Variants in LUZP2 observed in about 807,000 individuals in gnomAD.
The protein encoded by LUZP2 is leucine zipper protein 2.
LUZP2 carries 52 observed loss-of-function variants against 51.6 expected under a neutral mutation model. That is an observed-to-expected ratio of 1.01 (90% CI 0.81 to 1.27). LUZP2 has a LOEUF of 1.27. Among genes scored for constraint, LUZP2 ranks in the 50% most tolerant of loss-of-function variants. The probability of loss-of-function intolerance (pLI) is 0.00; values close to 1 mark genes in which losing one functional copy is unlikely to be tolerated. For missense variants in LUZP2, 436 were observed against 395.4 expected, an observed-to-expected ratio of 1.10 and a Z score of -0.87; for synonymous variants, 154 against 137.3, an observed-to-expected ratio of 1.12 and a Z score of -0.85.
chr11:24,786,883 A>G (rs1458273338), intron 5 of LUZP2, among the ~76,000 whole-genome samples: 1 of 151,982 alleles, frequency 6.6e-6, no homozygotes, highest in Non-Finnish European at 1.5e-5. Flanking sequence ...GTATCAGTAA[A>G]TAGAATGATG....
intron 1 of LUZP2, among the ~76,000 whole-genome samples, chr11:24,619,049 A>G (rs1340169585): frequency 6.7e-6 from 1 of 149,894 alleles, no homozygotes; most frequent in Non-Finnish European, 1.5e-5. Flanking sequence ...TATTTATTTG[A>G]GATAGGTCTT....
At chr11:24,916,284 C>G (rs909094159) in intron 7 of LUZP2, among the ~76,000 whole-genome samples, 18 of 151,912 alleles carry the variant, frequency 1.2e-4, no homozygotes, top group Admixed American at 1.1e-3. Flanking sequence ...CTGATATATT[C>G]TCTAGAATAC....
At chr11:25,040,832 C>T (rs1384678871) in intron 9 of LUZP2, among the ~76,000 whole-genome samples, 1 of 152,104 alleles carries the variant, frequency 6.6e-6, no homozygotes, top group Non-Finnish European at 1.5e-5. Flanking sequence ...ATGACTATTC[C>T]AATCATTTCA....
chr11:24,609,597 G>A (rs778392020), intron 1 of LUZP2, among the ~76,000 whole-genome samples: 1 of 151,880 alleles, frequency 6.6e-6, no homozygotes, highest in Non-Finnish European at 1.5e-5. Context: ...GGATGTGGTG[G>A]CATGTGCCTG....
chr11:24,497,352 G>C, intron 1 of LUZP2, 47 bp downstream of exon 1: 1 of 1,423,580 alleles, frequency 7.0e-7, no homozygotes, highest in South Asian at 1.5e-5. Flanking sequence ...CGCTGCCGGG[G>C]CGAGGTTGGT....
At position 25,014,701 on chromosome 11, in the gene LUZP2, A is replaced by G. The variant is rs536068510; in HGVS notation, c.765+31408A>G. Among the ~76,000 whole-genome samples the G allele has an allele frequency of 2.4e-3, 371 of 152,032 alleles. 2 individuals are homozygous for G. The highest frequency in any genetic ancestry group is 8.3e-3 in the African/African-American group (346 of 41,504). On this transcript the variant is annotated intron_variant, in intron 9 of 11. Transcript: ENST00000336930. ...AAAATTTTCTCCCATTCTGTAGGTT[A>G]CCTGTTCACTCTGATGGTAGTTTCT... is the stretch of plus-strand genomic sequence containing the variant.
At chr11:24,526,508 C>G (rs1850812401) in intron 1 of LUZP2, among the ~76,000 whole-genome samples, 1 of 149,990 alleles carries the variant, frequency 6.7e-6, no homozygotes, top group African/African-American at 2.5e-5. Context: ...ACTGAGATAT[C>G]AATTATAATT....
intron 1 of LUZP2, among the ~76,000 whole-genome samples, chr11:24,662,038 C>T (rs932250154): frequency 9.2e-5 from 14 of 151,758 alleles, no homozygotes; most frequent in Non-Finnish European, 1.5e-5. Context: ...GAGACAATGC[C>T]ACCGACAGGC....
chr11:25,057,007 G>T (rs2134033001), intron 10 of LUZP2, among the ~76,000 whole-genome samples: 1 of 152,264 alleles, frequency 6.6e-6, no homozygotes, highest in South Asian at 2.1e-4. Flanking sequence ...GGCTGAGGCA[G>T]GACAATCACT....
At chr11:24,918,545 A>G (rs1853878834) in intron 7 of LUZP2, among the ~76,000 whole-genome samples, 1 of 151,908 alleles carries the variant, frequency 6.6e-6, no homozygotes, top group Admixed American at 6.6e-5. Flanking sequence ...TAAATTAGGT[A>G]TTGATGGGAC....
chr11:24,500,826 T>A (rs556186636), intron 1 of LUZP2, among the ~76,000 whole-genome samples: 1 of 152,162 alleles, frequency 6.6e-6, no homozygotes, highest in African/African-American at 2.4e-5. Context: ...TCCTGGACTG[T>A]CTGATCAGCA....
intron 1 of LUZP2, among the ~76,000 whole-genome samples, chr11:24,672,602 G>A (rs1487022316): frequency 1.3e-5 from 2 of 152,060 alleles, no homozygotes; most frequent in Non-Finnish European, 2.9e-5. Context: ...TTTGCTTTCT[G>A]TGTTCATTGA....
intron 1 of LUZP2, among the ~76,000 whole-genome samples, chr11:24,711,177 C>T (rs979674971): frequency 3.9e-5 from 6 of 152,112 alleles, no homozygotes; most frequent in African/African-American, 4.8e-5. Flanking sequence ...GGGCCTGGCG[C>T]GGTGGCTGAT....
intron 9 of LUZP2, among the ~76,000 whole-genome samples, chr11:25,012,826 A>C (rs1371557744): frequency 6.6e-6 from 1 of 152,206 alleles, no homozygotes; most frequent in Non-Finnish European, 1.5e-5. Context: ...TTTCTCAAAA[A>C]ACTAAAACTA....
At chr11:24,542,564 A>G (rs922606310) in intron 1 of LUZP2, among the ~76,000 whole-genome samples, 4 of 151,926 alleles carry the variant, frequency 2.6e-5, no homozygotes, top group African/African-American at 9.7e-5. Flanking sequence ...TGAGGAGTGT[A>G]TTGGGGCAGG....
chr11:24,684,133 G>A (rs565323817), intron 1 of LUZP2, among the ~76,000 whole-genome samples: 34 of 151,818 alleles, frequency 2.2e-4, no homozygotes, highest in African/African-American at 8.0e-4. Flanking sequence ...GTTTTCAATA[G>A]CCTTCTAATA....
rs1590905675 is a variant in LUZP2, at chr11:25,078,761, T to C, written c.*103T>C. On this transcript the variant is annotated 3_prime_UTR_variant, in exon 12 of 12. Coordinates refer to ENST00000336930, the MANE Select transcript of LUZP2 (RefSeq NM_001009909.4). ...ACTGTTTCTAAAGCATGCAACTTTT[T>C]CACAATTTTATGTAACTTTATAAAG... 1.1e-6 allele frequency: 1 copy of C among 878,590 alleles called. No homozygotes were observed. 54.4% of individuals were successfully genotyped at this position (878,590 alleles called of 1,614,324 possible). A position where few individuals can be genotyped will look rare whatever the true frequency, so the allele number is the denominator to read the frequency against.
Position 24,983,280 on chromosome 11 carries a change from C to T in LUZP2, c.752C>T (p.Ala251Val), listed in dbSNP as rs373551420. 25 of 1,611,356 alleles carry T rather than the reference C, an allele frequency of 1.6e-5. No homozygotes were observed. The African/African-American group carries it at 2.0e-4, about 13-fold the overall frequency. ...RNIASKLPDAAAKSKPQQSAS... is the reference protein window; with the variant it reads ...RNIASKLPDAVAKSKPQQSAS... ...ATTGCCTCTAAGCTTCCAGATGCAG[C>T]GGCCAAAAGCAAGGTACCTACCTTT... Residue 251 changes from alanine to valine, a missense_variant, in exon 9 of 12, where the codon GCG becomes GTG. Physicochemically the swap from Ala to Val is moderately conservative, Grantham distance 64. Transcript: ENST00000336930.
rs1369637880 is a variant in LUZP2 at position 24,869,237 on chromosome 11, A to G, written c.397-36754A>G. On this transcript the variant is annotated intron_variant, in intron 5 of 11. Transcript: ENST00000336930. ...TGCTGAACAGGAACAAATAAATTAGACAGAGTATTTGAAGCAGAAGAGTAC... is the reference window on the plus strand; with the variant it reads ...TGCTGAACAGGAACAAATAAATTAGGCAGAGTATTTGAAGCAGAAGAGTAC... Among the ~76,000 whole-genome samples, 19 of 152,254 alleles carry G rather than the reference A, an allele frequency of 1.2e-4. 1 individual carries two copies. In the East Asian group the frequency reaches 1.7e-3, roughly 14 times the overall value.
Sources: allele counts gnomAD v4.1 joint callset (sites outside exome capture counted in the v4.1 genomes callset), GRCh38; gene constraint gnomAD v4.1.1; transcripts MANE v1.5; gene names NCBI Gene and HGNC (gene_info 2026-07-23, HGNC 2026-07-21).